The following PLA2G4C variants were observed in gnomAD, a reference collection of about 807,000 sequenced individuals.
PLA2G4C encodes phospholipase A2 group IVC.
Under a neutral mutation model 73.8 loss-of-function variants are expected in PLA2G4C, and 64 were observed. That is an observed-to-expected ratio of 0.87 (90% CI 0.71 to 1.07). The LOEUF (loss-of-function observed/expected upper bound fraction) is 1.07. Ranked by LOEUF, PLA2G4C falls within the 50% of genes least tolerant of loss-of-function variation. PLA2G4C has a pLI of 0.00. For synonymous variants in PLA2G4C, 254 were observed against 252.1 expected, an observed-to-expected ratio of 1.01 and a Z score of -0.07; for missense variants, 622 against 665.4, an observed-to-expected ratio of 0.93 and a Z score of 0.72.
intron 15 of PLA2G4C, among the ~76,000 whole-genome samples, chr19:48,053,372 T>C (rs1025699316): frequency 6.2e-4 from 90 of 145,370 alleles, no homozygotes; most frequent in Non-Finnish European, 1.1e-3. Context: ...TTCTTTTTTT[T>C]TTTTTTTTTT....
At chr19:48,097,609 G>C (rs2031666371) in intron 6 of PLA2G4C, among the ~76,000 whole-genome samples, 1 of 150,842 alleles carries the variant, frequency 6.6e-6, no homozygotes, top group South Asian at 2.1e-4. Flanking sequence ...TTCTTTTTGG[G>C]GGGACAGGGT....
At chr19:48,081,938 G>A (rs561160334) in intron 10 of PLA2G4C, among the ~76,000 whole-genome samples, 21 of 150,938 alleles carry the variant, frequency 1.4e-4, no homozygotes, top group African/African-American at 5.1e-4. Flanking sequence ...AAAATTAGCC[G>A]GGCATGGTGG....
chr19:48,061,110 AG>A (rs1968151485), intron 14 of PLA2G4C, among the ~76,000 whole-genome samples: 1 of 152,104 alleles, frequency 6.6e-6, no homozygotes, highest in South Asian at 2.1e-4. Flanking sequence ...CAACATAGCA[AG>A]ACCCTGTCTC....
At chr19:48,110,205 G>C (rs1185278618) in intron 1 of PLA2G4C, among the ~76,000 whole-genome samples, 1 of 151,394 alleles carries the variant, frequency 6.6e-6, no homozygotes, top group African/African-American at 2.4e-5. Context: ...AATTAGCCGG[G>C]TGTGGTGGTG....
rs534134926 is a variant in PLA2G4C, at chr19:48,073,557, G to A, written c.1006+1210C>T. 6.3e-4 allele frequency among the ~76,000 whole-genome samples: 95 copies of A among 151,770 alleles called. 2 individuals are homozygous for A. The South Asian group carries it at 0.017, about 27-fold the overall frequency. Reference sequence around the variant, plus strand: ...AGACATCCTAGATGGATGGATGGCCGGTTGGGTGGATAGAGGGTGGGCGTA... The same window carrying A: ...AGACATCCTAGATGGATGGATGGCCAGTTGGGTGGATAGAGGGTGGGCGTA... On this transcript the variant is annotated intron_variant, in intron 12 of 16. Coordinates refer to ENST00000599921, the MANE Select transcript of PLA2G4C (RefSeq NM_003706.3).
chr19:48,106,810 G>GCTCTTT, intron 1 of PLA2G4C: 1 of 541,556 alleles, frequency 1.8e-6, no homozygotes, highest in East Asian at 3.1e-5. Context: ...GTTTTTCCTC[G>GCTCTTT]CTCTTTCTCT....
At position 48,105,274 on chromosome 19, in the gene PLA2G4C, A is replaced by C. The variant is rs11564524; in HGVS notation, c.120+59T>G. 2,533 of 1,143,724 alleles carry C rather than the reference A, an allele frequency of 2.2e-3. 37 individuals carry two copies. In the African/African-American group the frequency reaches 0.035, roughly 16 times the overall value. 70.8% of individuals were successfully genotyped at this position (1,143,724 alleles called of 1,614,324 possible). A position where few individuals can be genotyped will look rare whatever the true frequency, so the allele number is the denominator to read the frequency against. On this transcript the variant is annotated intron_variant, in intron 3 of 16. Transcript: ENST00000599921. ...TCCCTGGCTGAGTTGGGCCCTGGAC[A>C]CTGGGCACAGAGGGGGCGATTCTGG...
rs149029641 is a variant in PLA2G4C, at chr19:48,084,640, G to A, written c.844+419C>T. 9.8e-5 allele frequency among the ~76,000 whole-genome samples: 15 copies of A among 152,354 alleles called. No homozygotes were observed. In the East Asian group the frequency reaches 2.7e-3, roughly 27 times the overall value. ...CCTCCCAAGTGTTGCGATTACGGGTGTCAGCCACTGCATCCAGCCAGATTG... is the reference window on the plus strand; with the variant it reads ...CCTCCCAAGTGTTGCGATTACGGGTATCAGCCACTGCATCCAGCCAGATTG... On this transcript the variant is annotated intron_variant, in intron 10 of 16. Coordinates refer to ENST00000599921, the MANE Select transcript of PLA2G4C (RefSeq NM_003706.3).
rs1600180927 is a variant in PLA2G4C, at chr19:48,067,695, A to G, written c.1102+96T>C. 5 of 832,270 alleles carry G rather than the reference A, an allele frequency of 6.0e-6. No individual in the cohort carries two copies. The East Asian group carries it at 7.3e-5, about 12-fold the overall frequency. 51.6% of individuals were successfully genotyped at this position (832,270 alleles called of 1,614,324 possible). A position where few individuals can be genotyped will look rare whatever the true frequency, so the allele number is the denominator to read the frequency against. ...CCCCCCTCCAAAGCTCTGGGGAAGGACCAGCCTGGGATTGTTTCAGGCCCA... is the reference window on the plus strand; with the variant it reads ...CCCCCCTCCAAAGCTCTGGGGAAGGGCCAGCCTGGGATTGTTTCAGGCCCA... On this transcript the variant is annotated intron_variant, in intron 13 of 16. Transcript: ENST00000599921.
chr19:48,048,835 T>G (rs1221443988), intron 16 of PLA2G4C, among the ~76,000 whole-genome samples: 1 of 152,204 alleles, frequency 6.6e-6, no homozygotes, highest in Non-Finnish European at 1.5e-5. Flanking sequence ...AATCTCATGT[T>G]GAAATGTGAT....
At chr19:48,083,301 A>C (rs1206565452) in intron 10 of PLA2G4C, among the ~76,000 whole-genome samples, 1 of 151,950 alleles carries the variant, frequency 6.6e-6, no homozygotes, top group Non-Finnish European at 1.5e-5. Context: ...TGATATAAAT[A>C]TACAAGATTG....
At chr19:48,097,712 C>T (rs1275142090) in intron 6 of PLA2G4C, 1 of 156,874 alleles carries the variant, frequency 6.4e-6, no homozygotes, top group Non-Finnish European at 1.4e-5. Context: ...CTGCCCCAGT[C>T]TCCTGGGTAG....
intron 11 of PLA2G4C, among the ~76,000 whole-genome samples, chr19:48,076,117 A>G (rs906885316): frequency 3.9e-5 from 6 of 152,216 alleles, no homozygotes; most frequent in Non-Finnish European, 7.3e-5. Context: ...TATGTATGGC[A>G]CTTTGTTCTG....
intron 4 of PLA2G4C, among the ~76,000 whole-genome samples, chr19:48,102,233 G>A (rs1296400987): frequency 3.9e-5 from 6 of 152,132 alleles, no homozygotes; most frequent in Non-Finnish European, 1.5e-5. Context: ...GCTTACACCT[G>A]TAATTCCAGC....
chr19:48,069,155 G>A (rs1480415747), intron 12 of PLA2G4C, among the ~76,000 whole-genome samples: 7 of 152,042 alleles, frequency 4.6e-5, no homozygotes, highest in African/African-American at 1.7e-4. Context: ...GGGAAAGGTT[G>A]GCATACAGGG....
At chr19:48,086,493 A>T (rs2030987951) in intron 9 of PLA2G4C, among the ~76,000 whole-genome samples, 1 of 151,952 alleles carries the variant, frequency 6.6e-6, no homozygotes, top group African/African-American at 2.4e-5. Flanking sequence ...AGAGCACAAA[A>T]CTGCCTGACC....
Position 48,110,786 on chromosome 19 carries a change from G to T in PLA2G4C, c.-332C>A. The T allele has an allele frequency of 2.6e-6, 1 of 382,290 alleles. No homozygotes were observed. The highest frequency in any genetic ancestry group is 4.6e-6 in the Non-Finnish European group (1 of 215,136). 23.7% of individuals were successfully genotyped at this position (382,290 alleles called of 1,614,324 possible). A position where few individuals can be genotyped will look rare whatever the true frequency, so the allele number is the denominator to read the frequency against. ...TTTAAACAGCCCTCCTCGGCTTGTA[G>T]GCCCTGCTTGGTTGCTCCAGCTTTT... On this transcript the variant is annotated 5_prime_UTR_variant, in exon 1 of 17. Coordinates refer to ENST00000599921, the MANE Select transcript of PLA2G4C (RefSeq NM_003706.3).
At chr19:48,069,641 C>T (rs1054331081) in intron 12 of PLA2G4C, among the ~76,000 whole-genome samples, 2 of 152,186 alleles carry the variant, frequency 1.3e-5, no homozygotes, top group Admixed American at 6.6e-5. Flanking sequence ...CCAATCCTTT[C>T]TCTGAACAGC....
intron 12 of PLA2G4C, among the ~76,000 whole-genome samples, chr19:48,069,050 A>G (rs1968560838): frequency 6.6e-6 from 1 of 151,770 alleles, no homozygotes; most frequent in Non-Finnish European, 1.5e-5. Context: ...ATCTCAAAAA[A>G]AAAAAAAAAA....
Sources: gnomAD v4.1 joint callset for allele counts (sites outside exome capture counted in the v4.1 genomes callset) on GRCh38, gnomAD v4.1.1 for gene constraint, MANE v1.5 for transcripts, NCBI Gene and HGNC (gene_info 2026-07-23, HGNC 2026-07-21) for gene names.